CAMTA1: variants seen among roughly 807,000 people sequenced by gnomAD.
CAMTA1 encodes calmodulin binding transcription activator 1.
In CAMTA1, 27 loss-of-function variants were observed where a neutral mutation model predicts 170.9. That is an observed-to-expected ratio of 0.16 (90% confidence interval 0.12 to 0.22). CAMTA1 has a LOEUF of 0.22. Among genes scored for constraint, CAMTA1 ranks in the 10% least tolerant of loss-of-function variants. CAMTA1 has a pLI of 1.00. For missense variants in CAMTA1, 1,619 were observed against 2,217.2 expected (o/e 0.73, Z 5.42); for synonymous variants, 833 against 891.5 (o/e 0.93, Z 1.17).
At chr1:6,802,156 G>C (rs1050575657) in intron 1 of CAMTA1, among the ~76,000 whole-genome samples, 1 of 152,198 alleles carries the variant, frequency 6.6e-6, no homozygotes, top group Admixed American at 6.5e-5. Context: ...GTGGGAACTG[G>C]ATCTGGAGAG....
intron 4 of CAMTA1, among the ~76,000 whole-genome samples, chr1:7,222,205 A>G (rs1036605686): frequency 1.1e-4 from 17 of 151,196 alleles, no homozygotes; most frequent in African/African-American, 4.1e-4. Flanking sequence ...TTTTGAGAAA[A>G]CCCCATGAGC....
chr1:7,598,149 T>C (rs1037078078), intron 6 of CAMTA1, among the ~76,000 whole-genome samples: 1 of 145,716 alleles, frequency 6.9e-6, no homozygotes, highest in Non-Finnish European at 1.5e-5. Flanking sequence ...TGTGTTCTCA[T>C]TGTTCAATTC....
At chr1:6,830,724 A>T (rs982500637) in intron 3 of CAMTA1, among the ~76,000 whole-genome samples, 1 of 152,212 alleles carries the variant, frequency 6.6e-6, no homozygotes, top group African/African-American at 2.4e-5. Context: ...TGAGTTTTTG[A>T]CAAGTGTATG....
chr1:7,469,867 G>A (rs1233685487), intron 6 of CAMTA1, among the ~76,000 whole-genome samples: 1 of 152,224 alleles, frequency 6.6e-6, no homozygotes, highest in African/African-American at 2.4e-5. Flanking sequence ...AGCTGCTCCT[G>A]TTCCTCAACT....
intron 6 of CAMTA1, among the ~76,000 whole-genome samples, chr1:7,503,850 G>A (rs555997371): frequency 9.9e-5 from 15 of 152,276 alleles, no homozygotes; most frequent in African/African-American, 3.4e-4. Flanking sequence ...CAAGTGTGAC[G>A]CATCTGGCCG....
At chr1:6,926,452 CTTTCTTTCTT>C (rs1683192180) in intron 3 of CAMTA1, among the ~76,000 whole-genome samples, 1 of 107,726 alleles carries the variant, frequency 9.3e-6, no homozygotes, top group Admixed American at 8.5e-5. Flanking sequence ...TTCTTTCTTT[CTTTCTTTCTT>C]TCTTTCTTTC....
chr1:7,060,286 G>A (rs1708011132), intron 3 of CAMTA1, among the ~76,000 whole-genome samples: 1 of 152,180 alleles, frequency 6.6e-6, no homozygotes, highest in African/African-American at 2.4e-5. Context: ...TCTCTCCTTG[G>A]CCTGCAGACG....
intron 2 of CAMTA1, among the ~76,000 whole-genome samples, chr1:6,823,045 C>G (rs1338046554): frequency 5.3e-5 from 8 of 151,968 alleles, no homozygotes; most frequent in Non-Finnish European, 1.2e-4. Flanking sequence ...CATTGAGCAA[C>G]CAGTATAGTG....
At chr1:7,225,328 C>T (rs1661503073) in intron 4 of CAMTA1, among the ~76,000 whole-genome samples, 2 of 152,188 alleles carry the variant, frequency 1.3e-5, no homozygotes, top group South Asian at 4.1e-4. Context: ...TCGTGATCCG[C>T]CTGCCTCGGC....
At position 7,085,845 on chromosome 1, in the gene CAMTA1, G is replaced by A. The variant is rs139696378; in HGVS notation, c.235-5459G>A. Among the ~76,000 whole-genome samples, 297 of 152,348 alleles carry A rather than the reference G, an allele frequency of 1.9e-3. 3 individuals carry two copies. The East Asian group carries it at 0.037, about 19-fold the overall frequency. The stretch of plus-strand genomic sequence containing the variant: ...CCATCAGCTTGGGGACTGGATGGTG[G>A]GTGACCATTGCCTCTGGGTGGTGGA... On this transcript the variant is annotated intron_variant, in intron 3 of 22. Coordinates refer to ENST00000303635, the MANE Select transcript of CAMTA1 (RefSeq NM_015215.4).
At position 7,663,365 on chromosome 1, in the gene CAMTA1, G is replaced by A. The variant is rs1208884885; in HGVS notation, c.818G>A (p.Ser273Asn). Residue 273 changes from serine (S) to asparagine (N), a missense_variant, in exon 9 of 23, where the codon AGC becomes AAC. Ser to Asn is a conservative substitution (Grantham distance 46, BLOSUM62 1). Transcript: ENST00000303635. ...LCTGSLGAGG[S>N]VHHKCNSAKH... ...CCGATCTCCGCAGGAGCTGGCGGCA[G>A]CGTGCATCACAAGTGTAACAGCGCC... 1.0e-5 allele frequency: 16 copies of A among 1,525,970 alleles called. No individual in the cohort carries two copies. The highest frequency in any genetic ancestry group is 1.4e-5 in the Non-Finnish European group (16 of 1,134,612). The allele number at this position is 1,525,970 out of a possible 1,614,324, so 94.5% of individuals were successfully genotyped here.
At position 7,532,798 on chromosome 1, in the gene CAMTA1, A is replaced by T. The variant is rs919680102; in HGVS notation, c.510+64897A>T. Among the ~76,000 whole-genome samples, 1 of 152,216 alleles carries T rather than the reference A, an allele frequency of 6.6e-6. No homozygotes were observed. The highest frequency in any genetic ancestry group is 2.4e-5 in the African/African-American group (1 of 41,446). On this transcript the variant is annotated intron_variant, in intron 6 of 22. Coordinates refer to ENST00000303635, the MANE Select transcript of CAMTA1 (RefSeq NM_015215.4). The surrounding 1 kb of genome is among the most constrained non-coding windows in gnomAD (Gnocchi z 4.2). ...TTTAATCCATGCTGGAGAAGAAGAA[A>T]GAAAGGGAAGGAACACAGAAAGAGA...
At chr1:7,517,248 C>G (rs1021756138) in intron 6 of CAMTA1, among the ~76,000 whole-genome samples, 2 of 152,150 alleles carry the variant, frequency 1.3e-5, no homozygotes, top group Admixed American at 6.5e-5. Context: ...TAACCAGGAT[C>G]CTTCTAATTA....
chr1:6,787,301 C>T (rs1002126266), intron 1 of CAMTA1, among the ~76,000 whole-genome samples: 7 of 152,138 alleles, frequency 4.6e-5, no homozygotes, highest in Non-Finnish European at 1.0e-4. Flanking sequence ...CTTGTGTGCT[C>T]CTTGTTGTAC....
chr1:7,389,217 C>T (rs2088402227), intron 5 of CAMTA1: 1 of 152,688 alleles, frequency 6.5e-6, no homozygotes, highest in South Asian at 2.1e-4. Flanking sequence ...GCCCCCAGCT[C>T]CATCCCTCCT....
rs1491252437 is a variant in CAMTA1 at position 7,680,861 on chromosome 1, CCA to C, written c.2914+3129_2914+3130del. ...GAGAACACGCGCGCGCGCGCGCGCG[CCA>C]GCAGCAGCAGCAGCAGCAGCTGCTG... is the stretch of plus-strand genomic sequence containing the variant. On this transcript the variant is annotated intron_variant, in intron 11 of 22. Coordinates refer to ENST00000303635, the MANE Select transcript of CAMTA1 (RefSeq NM_015215.4). The surrounding 1 kb of genome is among the most constrained non-coding windows in gnomAD (Gnocchi z 4.4). 3.7e-3 allele frequency among the ~76,000 whole-genome samples: 511 copies of C among 136,538 alleles called. 1 individual carries two copies. Among genetic ancestry groups the C allele is most frequent in the Middle Eastern group, 0.013 (3 of 238 alleles). 89.6% of individuals were successfully genotyped at this position (136,538 alleles called of 152,430 possible).
chr1:7,412,964 T>G (rs1215031569), intron 5 of CAMTA1, among the ~76,000 whole-genome samples: 1 of 152,192 alleles, frequency 6.6e-6, no homozygotes, highest in African/African-American at 2.4e-5. Flanking sequence ...AGTTTCAGCT[T>G]TCTACATATG....
In CAMTA1 at chr1:6,830,616, T is replaced by TA. The variant is rs1199220514; in HGVS notation, c.234+5407dup. On this transcript the variant is annotated intron_variant, in intron 3 of 22. Coordinates refer to ENST00000303635, the MANE Select transcript of CAMTA1 (RefSeq NM_015215.4). ...CCTCAGCCTCCCAAAGTGCTTGGAT[T>TA]ACAGGCGTGAGCCACGGCGCCCAGC... is the stretch of plus-strand genomic sequence containing the variant. Among the ~76,000 whole-genome samples the TA allele has an allele frequency of 2.0e-5, 3 of 152,174 alleles. No individual in the cohort carries two copies. The East Asian group carries it at 5.8e-4, about 29-fold the overall frequency.
intron 4 of CAMTA1, among the ~76,000 whole-genome samples, chr1:7,191,673 C>T (rs926348496): frequency 6.6e-6 from 1 of 152,160 alleles, no homozygotes; most frequent in Non-Finnish European, 1.5e-5. Context: ...GTAATTTTCT[C>T]CACATCTGGT....
Sources: allele counts gnomAD v4.1 joint callset (sites outside exome capture counted in the v4.1 genomes callset), GRCh38; gene constraint gnomAD v4.1.1; non-coding constraint Gnocchi (gnomAD v3.1); transcripts MANE v1.5; gene names NCBI Gene and HGNC (gene_info 2026-07-23, HGNC 2026-07-21).